Variants in GUCY2C observed in about 807,000 individuals in gnomAD.
GUCY2C encodes guanylyl cyclase C.
A neutral mutation model predicts 131.1 loss-of-function variants in GUCY2C; 118 were observed. That is an observed-to-expected ratio of 0.90 (90% CI 0.78 to 1.05). GUCY2C has a LOEUF of 1.05. Among genes scored for constraint, GUCY2C ranks in the 50% least tolerant of loss-of-function variants. The pLI, the probability that GUCY2C is intolerant of heterozygous loss-of-function variation, is 0.00. For missense variants in GUCY2C, 1,161 were observed against 1,304.4 expected (o/e 0.89, Z 1.69); for synonymous variants, 452 against 457.8 (o/e 0.99, Z 0.16).
intron 16 of GUCY2C, among the ~76,000 whole-genome samples, chr12:14,644,740 CTTTTTTTT>C (rs542151875): frequency 4.6e-5 from 5 of 108,662 alleles, no homozygotes; most frequent in African/African-American, 7.1e-5. Flanking sequence ...ATTCAGTTGT[CTTTTTTTT>C]TTTTTTTTTT....
At chr12:14,643,545 A>T in intron 17 of GUCY2C, 29 bp downstream of exon 17, 2 of 1,609,698 alleles carry the variant, frequency 1.2e-6, no homozygotes, top group Non-Finnish European at 1.7e-6. Flanking sequence ...TCAGTTAGGA[A>T]ACTAGTGAAC....
intron 25 of GUCY2C, 150 bp downstream of exon 25, chr12:14,616,483 G>A: frequency 1.6e-6 from 1 of 645,104 alleles, no homozygotes; most frequent in South Asian, 1.9e-5. Context: ...ATTTTTTGGT[G>A]GTCATTTCTC....
intron 19 of GUCY2C, 40 bp downstream of exon 19, chr12:14,639,822 A>AT (rs1275366173): frequency 3.3e-6 from 4 of 1,209,442 alleles, no homozygotes. Context: ...TGGTAATTTT[A>AT]TAGCAGGCCA....
intron 10 of GUCY2C, among the ~76,000 whole-genome samples, chr12:14,664,946 T>G (rs2041907): frequency 0.97 from 148,004 of 152,248 alleles, 72,067 homozygotes; most frequent in Middle Eastern, 1. Context: ...GGGCGCGGTG[T>G]CTCACACCTG....
intron 19 of GUCY2C, among the ~76,000 whole-genome samples, chr12:14,638,663 C>T (rs1013715988): frequency 3.3e-5 from 5 of 152,052 alleles, no homozygotes; most frequent in Non-Finnish European, 7.4e-5. Context: ...AAGTTGATCT[C>T]ATGGAGGTGG....
intron 14 of GUCY2C, 51 bp downstream of exon 14, chr12:14,651,908 A>T (rs887229646): frequency 1.0e-6 from 1 of 977,888 alleles, no homozygotes; most frequent in Admixed American, 2.0e-5. Context: ...CAGTGATTAG[A>T]GGAAATGAAG....
At chr12:14,688,120 A>T (rs888313130) in intron 1 of GUCY2C, 57 bp from the exon 2 acceptor site, 2 of 1,044,134 alleles carry the variant, frequency 1.9e-6, no homozygotes, top group African/African-American at 1.6e-5. Context: ...AGTAATTTAT[A>T]TCAGCCATGA....
At chr12:14,650,250 T>C (rs964939954) in intron 15 of GUCY2C, among the ~76,000 whole-genome samples, 1 of 152,164 alleles carries the variant, frequency 6.6e-6, no homozygotes, top group Non-Finnish European at 1.5e-5. Context: ...ATTATTATTA[T>C]TCATTTATTT....
chr12:14,661,904 G>A (rs1947874933), intron 10 of GUCY2C, among the ~76,000 whole-genome samples: 1 of 152,166 alleles, frequency 6.6e-6, no homozygotes, highest in Admixed American at 6.5e-5. Flanking sequence ...GGGTGGAGTT[G>A]TATAGATGGA....
chr12:14,675,330 G>A (rs1364005921), intron 7 of GUCY2C, among the ~76,000 whole-genome samples: 2 of 150,624 alleles, frequency 1.3e-5, no homozygotes, highest in African/African-American at 4.9e-5. Context: ...AATAAAATGA[G>A]GGAAGCAACT....
chr12:14,659,557 C>T (rs1947826254), intron 11 of GUCY2C, among the ~76,000 whole-genome samples: 2 of 152,158 alleles, frequency 1.3e-5, no homozygotes, highest in South Asian at 4.1e-4. Context: ...TCTTTGTATG[C>T]TTCCATCTAA....
chr12:14,652,844 C>G, intron 13 of GUCY2C, 108 bp downstream of exon 13: 16 of 798,756 alleles, frequency 2.0e-5, no homozygotes, highest in South Asian at 1.5e-4. Flanking sequence ...TAGGAACAGA[C>G]TGGGGACTCC....
At chr12:14,666,840 G>A (rs1487496917) in intron 10 of GUCY2C, among the ~76,000 whole-genome samples, 2 of 151,988 alleles carry the variant, frequency 1.3e-5, no homozygotes, top group Admixed American at 6.5e-5. Context: ...CTATATTATT[G>A]CTTCATTGGT....
At chr12:14,623,791 GCT>G (rs1301521182) in intron 21 of GUCY2C, among the ~76,000 whole-genome samples, 2 of 151,140 alleles carry the variant, frequency 1.3e-5, no homozygotes, top group African/African-American at 2.4e-5. Flanking sequence ...CTCCCCCTTT[GCT>G]CTCTCTCTCT....
At chr12:14,666,976 G>GT (rs1394685934) in intron 10 of GUCY2C, among the ~76,000 whole-genome samples, 2 of 152,122 alleles carry the variant, frequency 1.3e-5, no homozygotes, top group African/African-American at 4.8e-5. Context: ...GTAGGATATA[G>GT]TATGAATATT....
intron 17 of GUCY2C, among the ~76,000 whole-genome samples, chr12:14,643,039 C>T (rs975745912): frequency 5.9e-5 from 9 of 152,210 alleles, no homozygotes; most frequent in Middle Eastern, 6.8e-3. Context: ...TTTACAAATC[C>T]GTTTTCTTTA....
At chr12:14,649,530 C>T (rs1947596637) in intron 15 of GUCY2C, among the ~76,000 whole-genome samples, 1 of 151,984 alleles carries the variant, frequency 6.6e-6, no homozygotes, top group African/African-American at 2.4e-5. Context: ...TACTAAAATA[C>T]TAGAAATGCT....
intron 1 of GUCY2C, among the ~76,000 whole-genome samples, chr12:14,688,546 A>G (rs574008628): frequency 1.1e-4 from 16 of 152,324 alleles, no homozygotes; most frequent in South Asian, 2.1e-4. Flanking sequence ...ATTTGTTGCC[A>G]ACTTGCAGGA....
At chr12:14,692,227 G>T (rs1948587502) in intron 1 of GUCY2C, among the ~76,000 whole-genome samples, 1 of 152,036 alleles carries the variant, frequency 6.6e-6, no homozygotes, top group Non-Finnish European at 1.5e-5. Context: ...GTTCTCCAGA[G>T]GCTATATCAC....
Sources: allele counts gnomAD v4.1 joint callset (sites outside exome capture counted in the v4.1 genomes callset), GRCh38; gene constraint gnomAD v4.1.1; transcripts MANE v1.5; gene names NCBI Gene and HGNC (gene_info 2026-07-23, HGNC 2026-07-21).